Variants in COL28A1 observed in about 807,000 individuals in gnomAD.
COL28A1 encodes the protein collagen alpha-1(XXVIII) chain.
A neutral mutation model predicts 150.2 loss-of-function variants in COL28A1; 161 were observed. That is an observed-to-expected ratio of 1.07 (90% CI 0.94 to 1.22). The LOEUF is 1.22. COL28A1 is among the 50% of genes most tolerant of loss of function. The probability of loss-of-function intolerance (pLI) is 0.00; values close to 1 mark genes in which losing one functional copy is unlikely to be tolerated. For synonymous variants in COL28A1, 552 were observed against 469.7 expected (o/e 1.18, Z -2.26); for missense variants, 1,617 against 1,388.3 (o/e 1.16, Z -2.62).
At chr7:7,401,788 A>G (rs373667681) in intron 27 of COL28A1, among the ~76,000 whole-genome samples, 19 of 152,300 alleles carry the variant, frequency 1.2e-4, no homozygotes, top group East Asian at 7.7e-4. Flanking sequence ...ATCATGATTA[A>G]TATCAGGTCA....
At chr7:7,448,515 T>G (rs1333405604) in intron 18 of COL28A1, among the ~76,000 whole-genome samples, 1 of 151,726 alleles carries the variant, frequency 6.6e-6, no homozygotes, top group Non-Finnish European at 1.5e-5. Flanking sequence ...GAAAGCTAAA[T>G]GAATACCTAC....
intron 15 of COL28A1, among the ~76,000 whole-genome samples, chr7:7,474,358 T>C (rs1788702685): frequency 6.6e-6 from 1 of 152,084 alleles, no homozygotes; most frequent in Non-Finnish European, 1.5e-5. Context: ...GCTTGGGTGA[T>C]GGGTGCACCA....
At chr7:7,382,168 G>T (rs925054026) in intron 27 of COL28A1, among the ~76,000 whole-genome samples, 3 of 152,046 alleles carry the variant, frequency 2.0e-5, no homozygotes, top group African/African-American at 7.2e-5. Flanking sequence ...AAATTAGCTG[G>T]GCATGGTGGT....
At chr7:7,537,106 G>A (rs565957992), upstream of COL28A1, among the ~76,000 whole-genome samples, 39 of 152,234 alleles carry the variant, frequency 2.6e-4, no homozygotes, top group African/African-American at 9.1e-4. Context: ...ATACATTTAT[G>A]AAAGATTGAT....
intron 27 of COL28A1, among the ~76,000 whole-genome samples, chr7:7,403,497 G>C (rs1382639490): frequency 6.6e-6 from 1 of 152,076 alleles, no homozygotes; most frequent in Non-Finnish European, 1.5e-5. Flanking sequence ...TGTGGATGAA[G>C]GTTTAGTTTA....
intron 26 of COL28A1, among the ~76,000 whole-genome samples, chr7:7,419,642 G>C (rs917385194): frequency 1.3e-5 from 2 of 152,162 alleles, no homozygotes; most frequent in African/African-American, 4.8e-5. Flanking sequence ...GAAATGTTCT[G>C]AGCACTTTGC....
At chr7:7,349,023 G>C in the COL28A1 span, among the ~76,000 whole-genome samples, 1 of 152,152 alleles carries the variant, frequency 6.6e-6, no homozygotes, top group African/African-American at 2.4e-5. Context: ...TGAGATTATA[G>C]GCATGAGCCA....
chr7:7,422,811 C>T (rs1403419391), intron 25 of COL28A1, among the ~76,000 whole-genome samples: 1 of 152,110 alleles, frequency 6.6e-6, no homozygotes. Context: ...GCTATTACTA[C>T]CAGCTTACAG....
intron 5 of COL28A1, 59 bp downstream of exon 5, chr7:7,521,846 G>T: frequency 1.2e-6 from 1 of 845,696 alleles, no homozygotes; most frequent in South Asian, 1.3e-5. Context: ...TTTCAAGAGC[G>T]AGTAGAGCTA....
At chr7:7,394,721 C>G (rs75908747) in intron 27 of COL28A1, among the ~76,000 whole-genome samples, 1 of 152,116 alleles carries the variant, frequency 6.6e-6, no homozygotes, top group Non-Finnish European at 1.5e-5. Context: ...AATATAAATG[C>G]TAATGGAGAA....
At chr7:7,364,692 T>A (rs1780841825) in intron 33 of COL28A1, among the ~76,000 whole-genome samples, 1 of 152,174 alleles carries the variant, frequency 6.6e-6, no homozygotes, top group East Asian at 1.9e-4. Flanking sequence ...AGGCCTTACC[T>A]AGCTAATAAC....
intron 11 of COL28A1, among the ~76,000 whole-genome samples, chr7:7,493,414 C>G (rs1303155680): frequency 6.6e-6 from 1 of 152,102 alleles, no homozygotes; most frequent in Non-Finnish European, 1.5e-5. Flanking sequence ...GCTCTCTTAC[C>G]TTGAGCCCAT....
intron 8 of COL28A1, among the ~76,000 whole-genome samples, chr7:7,512,823 C>G (rs1430831961): frequency 6.6e-6 from 1 of 152,178 alleles, no homozygotes; most frequent in Non-Finnish European, 1.5e-5. Context: ...GACTCCTAGT[C>G]CAGTGCTCTC....
intron 30 of COL28A1, among the ~76,000 whole-genome samples, 198 bp from the exon 31 acceptor site, chr7:7,375,695 T>C (rs1025921973): frequency 2.0e-5 from 3 of 152,158 alleles, no homozygotes; most frequent in African/African-American, 7.2e-5. Flanking sequence ...CTGTGAAACT[T>C]AACAGCTGAG....
chr7:7,404,675 C>G (rs1372773416), intron 27 of COL28A1, among the ~76,000 whole-genome samples: 1 of 152,132 alleles, frequency 6.6e-6, no homozygotes, highest in Non-Finnish European at 1.5e-5. Flanking sequence ...ACATCACACA[C>G]TTCTAACCCC....
chr7:7,457,350 T>G (rs964165451), intron 15 of COL28A1, among the ~76,000 whole-genome samples: 1 of 151,956 alleles, frequency 6.6e-6, no homozygotes, highest in Non-Finnish European at 1.5e-5. Flanking sequence ...ACCTGGATAA[T>G]GTTGAAGGTA....
At chr7:7,523,665 A>G (rs1342772349) in intron 4 of COL28A1, among the ~76,000 whole-genome samples, 2 of 152,216 alleles carry the variant, frequency 1.3e-5, no homozygotes, top group East Asian at 3.8e-4. Flanking sequence ...TGTCCAGGAC[A>G]GGACTCCTCA....
At chr7:7,535,148 C>A (rs1285063607) in intron 1 of COL28A1, among the ~76,000 whole-genome samples, 2 of 152,106 alleles carry the variant, frequency 1.3e-5, no homozygotes. Context: ...GAAATGTGAA[C>A]CTCTGTGTTT....
intron 21 of COL28A1, among the ~76,000 whole-genome samples, chr7:7,438,662 C>T (rs1785525559): frequency 6.8e-6 from 1 of 146,992 alleles, no homozygotes. Context: ...ATTAAAATTT[C>T]ATTTATATAA....
Sources: gnomAD v4.1 joint callset for allele counts (sites outside exome capture counted in the v4.1 genomes callset) on GRCh38, gnomAD v4.1.1 for gene constraint, MANE v1.5 for transcripts, NCBI Gene and HGNC (gene_info 2026-07-23, HGNC 2026-07-21) for gene names.